The following FHIT variants were observed in gnomAD, a reference collection of about 807,000 sequenced individuals.
FHIT encodes fragile histidine triad diadenosine triphosphatase, also known as bis(5'-adenosyl)-triphosphatase.
A neutral mutation model predicts 17.9 loss-of-function variants in FHIT; 19 were observed. The ratio of observed to expected loss-of-function variants is 1.06; its 90% confidence interval spans 0.74 to 1.56. The LOEUF (loss-of-function observed/expected upper bound fraction) is 1.56. FHIT is among the 40% of genes most tolerant of loss of function. The pLI is 0.00. For missense variants in FHIT, 248 were observed against 189.2 expected (o/e 1.31, Z -1.82); for synonymous variants, 81 against 69.7 (o/e 1.16, Z -0.81).
At chr3:60,679,200 T>C (rs934354413) in intron 4 of FHIT, among the ~76,000 whole-genome samples, 12 of 152,124 alleles carry the variant, frequency 7.9e-5, no homozygotes, top group East Asian at 1.9e-4. Flanking sequence ...ATTTCAAGTA[T>C]AGGCAGAAGT....
intron 3 of FHIT, among the ~76,000 whole-genome samples, chr3:61,032,764 A>G (rs1488507974): frequency 6.6e-6 from 1 of 152,246 alleles, no homozygotes; most frequent in Non-Finnish European, 1.5e-5. Flanking sequence ...CCAATGGGAT[A>G]AATGTAGATA....
At chr3:60,332,280 C>T (rs1260782698) in intron 5 of FHIT, among the ~76,000 whole-genome samples, 3 of 152,172 alleles carry the variant, frequency 2.0e-5, no homozygotes, top group Non-Finnish European at 4.4e-5. Flanking sequence ...CCCAGGTAGC[C>T]TGGCTGCAGC....
intron 3 of FHIT, among the ~76,000 whole-genome samples, chr3:61,035,516 T>C (rs17064329): frequency 0.16 from 24,444 of 152,140 alleles, 2,206 homozygotes; most frequent in African/African-American, 0.24. Flanking sequence ...GTTTCTGTTG[T>C]TTGCAATCAC....
In FHIT at chr3:60,243,153, T is replaced by C. The variant is rs560132617; in HGVS notation, c.104-229001A>G. ...TGTTCGCCTTTGGGAGGGTGGTCTA[T>C]GATTAAACAGAAATACAGGGTTACC... On this transcript the variant is annotated intron_variant, in intron 5 of 9. Transcript: ENST00000492590. Among the ~76,000 whole-genome samples the C allele has an allele frequency of 2.0e-5, 3 of 152,192 alleles. No homozygotes were observed. In the South Asian group the frequency reaches 6.2e-4, roughly 32 times the overall value.
intron 4 of FHIT, among the ~76,000 whole-genome samples, chr3:60,648,017 T>C (rs1553687232): frequency 6.6e-6 from 1 of 152,138 alleles, no homozygotes. Context: ...CCTGATAATG[T>C]CTCAATATGC....
At chr3:60,857,546 T>G (rs1553750281) in intron 3 of FHIT, among the ~76,000 whole-genome samples, 49 of 152,028 alleles carry the variant, frequency 3.2e-4, no homozygotes, top group African/African-American at 1.1e-3. Context: ...ATGGAAAGCT[T>G]TCATCCCAGT....
chr3:60,504,228 G>T (rs1434738746), intron 5 of FHIT, among the ~76,000 whole-genome samples: 1 of 152,158 alleles, frequency 6.6e-6, no homozygotes, highest in African/African-American at 2.4e-5. Context: ...GAGGTCAGGA[G>T]ATCGAGACCA....
chr3:60,906,369 G>C (rs1273600352), intron 3 of FHIT, among the ~76,000 whole-genome samples: 6 of 152,208 alleles, frequency 3.9e-5, no homozygotes, highest in Admixed American at 3.3e-4. Flanking sequence ...TTGAATGGTT[G>C]AGTTGTACAT....
chr3:60,586,061 T>A (rs2037895432), intron 4 of FHIT, among the ~76,000 whole-genome samples: 1 of 151,964 alleles, frequency 6.6e-6, no homozygotes, highest in Non-Finnish European at 1.5e-5. Flanking sequence ...TCAAGAATGC[T>A]GGTTTATAAG....
At chr3:60,516,127 C>T (rs1467303390) in intron 5 of FHIT, among the ~76,000 whole-genome samples, 4 of 152,116 alleles carry the variant, frequency 2.6e-5, no homozygotes, top group African/African-American at 7.2e-5. Context: ...TACCTCTTCA[C>T]GCTGTTGAAA....
intron 5 of FHIT, among the ~76,000 whole-genome samples, chr3:60,313,849 A>T (rs959762052): frequency 3.3e-5 from 5 of 152,214 alleles, no homozygotes; most frequent in African/African-American, 1.2e-4. Context: ...GCCCCAGAAA[A>T]GTCTTCAAAT....
At chr3:60,416,398 G>T (rs138354814) in intron 5 of FHIT, among the ~76,000 whole-genome samples, 2 of 152,036 alleles carry the variant, frequency 1.3e-5, no homozygotes, top group African/African-American at 2.4e-5. Context: ...AACAGATTTC[G>T]GTAACCTTTT....
At chr3:60,812,735 T>C (rs904294099) in intron 4 of FHIT, among the ~76,000 whole-genome samples, 1 of 152,122 alleles carries the variant, frequency 6.6e-6, no homozygotes, top group East Asian at 1.9e-4. Context: ...GTTCCTCATA[T>C]GCATACCCTA....
intron 8 of FHIT, among the ~76,000 whole-genome samples, chr3:59,850,195 A>T (rs1427063129): frequency 6.6e-6 from 1 of 152,202 alleles, no homozygotes; most frequent in Non-Finnish European, 1.5e-5. Context: ...AAAAGTAAAG[A>T]TGCTGGATTT....
intron 5 of FHIT, among the ~76,000 whole-genome samples, chr3:60,249,439 G>A (rs1028249702): frequency 6.6e-6 from 1 of 152,124 alleles, no homozygotes; most frequent in Non-Finnish European, 1.5e-5. Context: ...ATAAGCCACA[G>A]CTCTGGTGAG....
intron 3 of FHIT, among the ~76,000 whole-genome samples, chr3:60,922,249 A>G (rs1000521461): frequency 6.6e-6 from 1 of 152,206 alleles, no homozygotes; most frequent in Non-Finnish European, 1.5e-5. Flanking sequence ...TTGCTTGGGC[A>G]CATTTGCTGG....
chr3:59,964,231 C>A (rs1183756315), intron 7 of FHIT, among the ~76,000 whole-genome samples: 3 of 152,000 alleles, frequency 2.0e-5, no homozygotes, highest in Non-Finnish European at 4.4e-5. Context: ...TGCTTTTAGA[C>A]CCAGAAAATT....
At chr3:60,876,143 C>T (rs1704644430) in intron 3 of FHIT, among the ~76,000 whole-genome samples, 1 of 151,976 alleles carries the variant, frequency 6.6e-6, no homozygotes, top group South Asian at 2.1e-4. Context: ...TATCACTGTT[C>T]CTTTAGTAAG....
intron 5 of FHIT, among the ~76,000 whole-genome samples, chr3:60,153,440 T>C (rs1339930159): frequency 6.6e-6 from 1 of 151,960 alleles, no homozygotes; most frequent in Non-Finnish European, 1.5e-5. Context: ...CCTGTTTGGT[T>C]TCTGTTAGCT....
Sources: gnomAD v4.1 joint callset for allele counts (sites outside exome capture counted in the v4.1 genomes callset) on GRCh38, gnomAD v4.1.1 for gene constraint, MANE v1.5 for transcripts, NCBI Gene and HGNC (gene_info 2026-07-23, HGNC 2026-07-21) for gene names.